The following ZFAND1 variants were observed in gnomAD, a reference collection of about 807,000 sequenced individuals.
ZFAND1 encodes the protein zinc finger AN1-type containing 1.
Under a neutral mutation model 38.5 loss-of-function variants are expected in ZFAND1, and 40 were observed. That is an observed-to-expected ratio of 1.04 (90% CI 0.81 to 1.35). ZFAND1 has a LOEUF of 1.35. ZFAND1 is among the 40% of genes most tolerant of loss of function. The pLI is 0.00. For missense variants in ZFAND1, 346 were observed against 316.3 expected (o/e 1.09, Z -0.71); for synonymous variants, 117 against 103.6 (o/e 1.13, Z -0.78).
intron 6 of ZFAND1, among the ~76,000 whole-genome samples, chr8:81,710,963 G>A (rs1440413415): frequency 6.6e-6 from 1 of 152,146 alleles, no homozygotes; most frequent in Non-Finnish European, 1.5e-5. Context: ...GACAGCAGAT[G>A]ATAAAGCAAA....
At chr8:81,716,142 T>A (rs1283371761) in intron 3 of ZFAND1, among the ~76,000 whole-genome samples, 2 of 152,216 alleles carry the variant, frequency 1.3e-5, no homozygotes, top group African/African-American at 4.8e-5. Flanking sequence ...TAACTTTCTA[T>A]AACTGAGAGA....
chr8:81,702,922 C>G, intron 7 of ZFAND1, 47 bp downstream of exon 7: 1 of 1,511,612 alleles, frequency 6.6e-7, no homozygotes. Context: ...AATGGAGCAT[C>G]ATAAAACCTT....
At chr8:81,720,587 C>T (rs1808442059) in intron 1 of ZFAND1, among the ~76,000 whole-genome samples, 1 of 152,176 alleles carries the variant, frequency 6.6e-6, no homozygotes, top group Non-Finnish European at 1.5e-5. Context: ...TTCTTCCGGA[C>T]ACACATCCAC....
rs147262031 is a variant in ZFAND1, at chr8:81,709,836, A to C, written c.480+4082T>G. On this transcript the variant is annotated intron_variant, in intron 6 of 7. Transcript: ENST00000220669. ...ATTCGTAGTTCTCCACTTACTAGCT[A>C]TGTTAATAGAATGTTACTCTTTTTG... Among the ~76,000 whole-genome samples, 29 of 152,322 alleles carry C rather than the reference A, an allele frequency of 1.9e-4. 1 individual carries two copies. In the East Asian group the frequency reaches 5.6e-3, roughly 29 times the overall value.
chr8:81,715,168 A>G (rs565486291), intron 3 of ZFAND1, 54 bp from the exon 4 acceptor site: 4 of 1,583,756 alleles, frequency 2.5e-6, no homozygotes, highest in African/African-American at 1.3e-5. Context: ...AAACAAATCA[A>G]TGTGTCTTAT....
At chr8:81,708,073 AC>A (rs1262063034) in intron 6 of ZFAND1, among the ~76,000 whole-genome samples, 2 of 152,076 alleles carry the variant, frequency 1.3e-5, no homozygotes, top group African/African-American at 4.8e-5. Context: ...ACATGGTGAA[AC>A]CCTGTCTTTA....
At position 81,703,090 on chromosome 8, in the gene ZFAND1, T is replaced by G. The variant is rs750608559; in HGVS notation, c.515A>C (p.Lys172Thr). 6.5e-7 allele frequency: 1 copy of G among 1,542,684 alleles called. No homozygotes were observed. The highest frequency in any genetic ancestry group is 2.0e-5 in the Admixed American group (1 of 51,106). ...ERIYFQVFLP[K>T]GSKEKSKPMF... ...TGGTTTGCTCTTCTCTTTGCTCCCT[T>G]TAGGTAAGAAAACCTGAAAGTAAAT... Residue 172 changes from lysine to threonine, a missense_variant, in exon 7 of 8, where the codon AAA (lysine) becomes ACA (threonine). Physicochemically the swap from Lys to Thr is moderately conservative, Grantham distance 78. Coordinates refer to ENST00000220669, the MANE Select transcript of ZFAND1 (RefSeq NM_024699.3).
At chr8:81,704,825 G>A (rs1324861486) in intron 6 of ZFAND1, among the ~76,000 whole-genome samples, 1 of 151,890 alleles carries the variant, frequency 6.6e-6, no homozygotes, top group Non-Finnish European at 1.5e-5. Context: ...AGTATTAAAA[G>A]AAAAAACAAG....
intron 6 of ZFAND1, among the ~76,000 whole-genome samples, chr8:81,709,698 C>G (rs1225828207): frequency 6.6e-6 from 1 of 152,024 alleles, no homozygotes; most frequent in Non-Finnish European, 1.5e-5. Context: ...TACACACACA[C>G]AAACATTAAT....
At chr8:81,710,408 T>C (rs1055240672) in intron 6 of ZFAND1, among the ~76,000 whole-genome samples, 7 of 152,090 alleles carry the variant, frequency 4.6e-5, no homozygotes, top group South Asian at 2.1e-4. Context: ...ATAAGAAAAC[T>C]GTAATCAATT....
At position 81,718,198 on chromosome 8, in the gene ZFAND1, A is replaced by G; in HGVS notation, c.82T>C (p.Cys28Arg). 1 of 1,575,982 alleles carries G rather than the reference A, an allele frequency of 6.3e-7. No individual in the cohort carries two copies. Among genetic ancestry groups the G allele is most frequent in the South Asian group, 1.2e-5 (1 of 85,034 alleles). The change falls in exon 2 of 8, where the codon TGT becomes CGT. Residue 28 changes from cysteine to arginine, a missense_variant. Coordinates refer to ENST00000220669, the MANE Select transcript of ZFAND1 (RefSeq NM_024699.3). The stretch of plus-strand genomic sequence containing the variant: ...TTAACTTACCAAAATATTCCTGAAC[A>G]ATCATCACACACAAATGGAAGAAAA... ...RDFLPFVCDD[C>R]SGIFCLEHRS...
chr8:81,717,341 C>G, intron 2 of ZFAND1, 53 bp from the exon 3 acceptor site: 1 of 1,386,296 alleles, frequency 7.2e-7, no homozygotes, highest in Middle Eastern at 1.8e-4. Context: ...AAGATAACTG[C>G]AGAAATTTGC....
intron 6 of ZFAND1, among the ~76,000 whole-genome samples, chr8:81,712,262 T>C (rs1375813514): frequency 1.3e-5 from 2 of 152,194 alleles, no homozygotes; most frequent in African/African-American, 2.4e-5. Context: ...AGGCTACTTA[T>C]ACAAATTCAC....
chr8:81,719,440 G>A (rs1300594290), intron 1 of ZFAND1, among the ~76,000 whole-genome samples: 1 of 151,966 alleles, frequency 6.6e-6, no homozygotes, highest in Non-Finnish European at 1.5e-5. Flanking sequence ...TCAGGAGGCA[G>A]AGGTTGCAGA....
intron 3 of ZFAND1, among the ~76,000 whole-genome samples, 168 bp downstream of exon 3, chr8:81,717,081 T>G (rs1431894548): frequency 6.6e-6 from 1 of 152,228 alleles, no homozygotes; most frequent in East Asian, 1.9e-4. Flanking sequence ...CAATTTTTCT[T>G]TCAAACAAAG....
intron 3 of ZFAND1, 120 bp from the exon 4 acceptor site, chr8:81,715,234 A>G: frequency 3.2e-6 from 3 of 934,928 alleles, no homozygotes; most frequent in Non-Finnish European, 3.2e-6. Flanking sequence ...CAAGTTACTT[A>G]CTCTCAAAGA....
chr8:81,709,004 A>G (rs1243694097), intron 6 of ZFAND1, among the ~76,000 whole-genome samples: 1 of 152,254 alleles, frequency 6.6e-6, no homozygotes, highest in Non-Finnish European at 1.5e-5. Context: ...AAAATCTAAA[A>G]TATGCGTACC....
At chr8:81,703,176 G>C in intron 6 of ZFAND1, 52 bp from the exon 7 acceptor site, 1 of 1,294,980 alleles carries the variant, frequency 7.7e-7, no homozygotes. Flanking sequence ...ATAGACATCA[G>C]TTTTTGTCTG....
chr8:81,718,496 G>A (rs1217496005), intron 1 of ZFAND1, among the ~76,000 whole-genome samples: 1 of 151,480 alleles, frequency 6.6e-6, no homozygotes. Flanking sequence ...TTTTTGTTTT[G>A]TTTCCCAGAT....
Sources: allele counts gnomAD v4.1 joint callset (sites outside exome capture counted in the v4.1 genomes callset), GRCh38; gene constraint gnomAD v4.1.1; transcripts MANE v1.5; gene names NCBI Gene and HGNC (gene_info 2026-07-23, HGNC 2026-07-21).